ZBTB20: variants seen among roughly 807,000 people sequenced by gnomAD.
ZBTB20 encodes the protein zinc finger and BTB domain-containing protein 20.
In ZBTB20, 9 loss-of-function variants were observed where a neutral mutation model predicts 56.9. That is an observed-to-expected ratio of 0.16 (90% CI 0.10 to 0.28). ZBTB20 has a LOEUF of 0.28. ZBTB20 is among the 10% of genes least tolerant of loss of function. ZBTB20 has a pLI of 1.00. For missense variants in ZBTB20, 655 were observed against 1,003.0 expected, an observed-to-expected ratio of 0.65 and a Z score of 4.69; for synonymous variants, 417 against 420.7, an observed-to-expected ratio of 0.99 and a Z score of 0.11.
intron 6 of ZBTB20, among the ~76,000 whole-genome samples, chr3:114,643,680 C>A (rs1448291023): frequency 6.6e-6 from 1 of 152,072 alleles, no homozygotes; most frequent in East Asian, 1.9e-4. Flanking sequence ...TGAAAAACTT[C>A]CCCAGAGGTA....
At chr3:114,957,775 T>C (rs2107952210) in intron 3 of ZBTB20, among the ~76,000 whole-genome samples, 1 of 152,318 alleles carries the variant, frequency 6.6e-6, no homozygotes, top group African/African-American at 2.4e-5. Flanking sequence ...CTAGCTCAAC[T>C]CATATCTGAT....
intron 5 of ZBTB20, among the ~76,000 whole-genome samples, chr3:114,779,461 T>G (rs781369494): frequency 2.0e-5 from 3 of 152,202 alleles, no homozygotes; most frequent in Non-Finnish European, 2.9e-5. Context: ...CTAGTTGACA[T>G]AGAACTCACG....
chr3:114,474,955 G>A (rs1306955258), intron 7 of ZBTB20, among the ~76,000 whole-genome samples: 1 of 152,014 alleles, frequency 6.6e-6, no homozygotes, highest in African/African-American at 2.4e-5. Context: ...TAATCTTCCT[G>A]AGGCACAGCT....
intron 4 of ZBTB20, among the ~76,000 whole-genome samples, chr3:114,857,333 T>G (rs1002259502): frequency 6.6e-6 from 1 of 152,222 alleles, no homozygotes; most frequent in Non-Finnish European, 1.5e-5. Flanking sequence ...AATTTTATAT[T>G]TTAATGTGCA....
At chr3:114,867,918 C>A (rs539145507) in intron 4 of ZBTB20, among the ~76,000 whole-genome samples, 1 of 152,236 alleles carries the variant, frequency 6.6e-6, no homozygotes, top group South Asian at 2.1e-4. Context: ...TCAATTACCC[C>A]AGCTCAACAC....
intron 5 of ZBTB20, among the ~76,000 whole-genome samples, chr3:114,741,355 T>C (rs1307384941): frequency 5.9e-5 from 9 of 152,172 alleles, no homozygotes; most frequent in African/African-American, 2.2e-4. Context: ...TCTGTACTTT[T>C]ATTGGACAGT....
At chr3:114,561,538 C>T (rs1311795361) in intron 6 of ZBTB20, among the ~76,000 whole-genome samples, 3 of 152,060 alleles carry the variant, frequency 2.0e-5, no homozygotes, top group Admixed American at 6.6e-5. Flanking sequence ...CAGAGTTTTT[C>T]GGTGACCAGG....
intron 5 of ZBTB20, among the ~76,000 whole-genome samples, chr3:114,704,465 C>T (rs762206491): frequency 3.9e-5 from 6 of 152,010 alleles, no homozygotes; most frequent in Non-Finnish European, 7.4e-5. Flanking sequence ...AGTGAGCTTA[C>T]TTCAACAACC....
At chr3:115,054,457 C>A (rs1300396771) in intron 2 of ZBTB20, among the ~76,000 whole-genome samples, 5 of 152,052 alleles carry the variant, frequency 3.3e-5, no homozygotes, top group Non-Finnish European at 7.4e-5. Context: ...TATGAATTAT[C>A]TCACATTTTT....
intron 1 of ZBTB20, among the ~76,000 whole-genome samples, chr3:115,103,571 G>T (rs1474936029): frequency 6.6e-6 from 1 of 152,126 alleles, no homozygotes; most frequent in East Asian, 1.9e-4. Flanking sequence ...ACTGATCTTT[G>T]ACTTAAAAGG....
At chr3:114,893,913 G>T (rs1321318218) in intron 4 of ZBTB20, among the ~76,000 whole-genome samples, 1 of 152,108 alleles carries the variant, frequency 6.6e-6, no homozygotes, top group Non-Finnish European at 1.5e-5. Context: ...AAAACACTAA[G>T]CCTTCGAAGA....
At chr3:114,679,466 T>C (rs1001340645) in intron 6 of ZBTB20, among the ~76,000 whole-genome samples, 8 of 151,962 alleles carry the variant, frequency 5.3e-5, no homozygotes, top group African/African-American at 1.7e-4. Context: ...CATCAAAAAG[T>C]GGGCAAAGAT....
chr3:114,965,713 G>A (rs2077621878), intron 3 of ZBTB20, among the ~76,000 whole-genome samples: 2 of 152,088 alleles, frequency 1.3e-5, no homozygotes, highest in African/African-American at 2.4e-5. Context: ...ACAGGTGTGA[G>A]GTGGTACTCA....
chr3:114,812,610 G>A (rs1374560806), intron 4 of ZBTB20, among the ~76,000 whole-genome samples: 1 of 152,222 alleles, frequency 6.6e-6, no homozygotes, highest in Non-Finnish European at 1.5e-5. Context: ...GTCCCCACCA[G>A]ACTTAGGAGC....
rs138085435 is a variant in ZBTB20 at position 114,364,082 on chromosome 3, C to T, written c.200-12204G>A. 3.4e-3 allele frequency among the ~76,000 whole-genome samples: 522 copies of T among 151,580 alleles called. 4 individuals carry two copies. Among genetic ancestry groups the T allele is most frequent in the Non-Finnish European group, 6.4e-3 (435 of 67,912 alleles). On this transcript the variant is annotated intron_variant, in intron 10 of 11. Transcript: ENST00000675478. ...ACTGTAATATTTTTTTTTTCACTAG[C>T]ATACATCCCCAGCTTAATTACTATT...
At chr3:115,084,043 T>G (rs2082894061) in intron 1 of ZBTB20, among the ~76,000 whole-genome samples, 3 of 151,726 alleles carry the variant, frequency 2.0e-5, no homozygotes, top group African/African-American at 7.3e-5. Flanking sequence ...GCTAATAAAG[T>G]GTTAAAAGTT....
At chr3:114,607,798 T>C (rs1309162048) in intron 6 of ZBTB20, among the ~76,000 whole-genome samples, 1 of 152,210 alleles carries the variant, frequency 6.6e-6, no homozygotes, top group Non-Finnish European at 1.5e-5. Context: ...GGGAACACTC[T>C]GTAAATACTC....
chr3:115,110,913 CT>C (rs1221965167), intron 1 of ZBTB20, among the ~76,000 whole-genome samples: 2 of 152,026 alleles, frequency 1.3e-5, no homozygotes, highest in Non-Finnish European at 2.9e-5. Context: ...TTACTTGAAC[CT>C]GGGAGGCAGA....
chr3:114,682,094 G>T (rs187451176), intron 6 of ZBTB20, among the ~76,000 whole-genome samples: 1 of 152,044 alleles, frequency 6.6e-6, no homozygotes, highest in Non-Finnish European at 1.5e-5. Context: ...ACAAAAAAAG[G>T]ATGGTGAATG....
Sources: allele counts gnomAD v4.1 joint callset (sites outside exome capture counted in the v4.1 genomes callset), GRCh38; gene constraint gnomAD v4.1.1; transcripts MANE v1.5; gene names NCBI Gene and HGNC (gene_info 2026-07-23, HGNC 2026-07-21).